The following PTPN14 variants were observed in gnomAD, a reference collection of about 807,000 sequenced individuals.
PTPN14 encodes the protein tyrosine-protein phosphatase non-receptor type 14.
PTPN14 carries 53 observed loss-of-function variants against 126.8 expected under a neutral mutation model. The observed-to-expected ratio is 0.42, with a 90% CI of 0.34 to 0.53. The LOEUF (loss-of-function observed/expected upper bound fraction) is 0.53, where lower values mean the gene tolerates loss of function less well. Among genes scored for constraint, PTPN14 ranks in the 20% least tolerant of loss-of-function variants. The pLI is 0.08. For synonymous variants in PTPN14, 630 were observed against 599.3 expected, an observed-to-expected ratio of 1.05 and a Z score of -0.75; for missense variants, 1,257 against 1,552.9, an observed-to-expected ratio of 0.81 and a Z score of 3.20.
Position 214,393,713 on chromosome 1 carries a change from T to G in PTPN14, c.911A>C (p.Gln304Pro), listed in dbSNP as rs1367674651. The G allele has an allele frequency of 6.3e-7, 1 of 1,594,044 alleles. No individual in the cohort carries two copies. Among genetic ancestry groups the G allele is most frequent in the South Asian group, 1.1e-5 (1 of 90,626 alleles). Residue 304 changes from glutamine to proline, a missense_variant, in exon 10 of 19, where the codon CAA (glutamine) becomes CCA (proline). By Grantham distance (76) the Gln-to-Pro change is moderately conservative. Around this residue, in one of 3 missense-constraint regions of PTPN14, gnomAD observed 1,021 missense variants for 1,183.3 expected, o/e 0.86. Transcript: ENST00000366956. ...LFATRHKFYKQNKICTEQSNS... is the reference protein window; with the variant it reads ...LFATRHKFYKPNKICTEQSNS... Reference sequence around the variant, plus strand: ...TACTTACTCAGTGCAGATTTTGTTTTGTTTGTAAAACTTGTGTCGTGTGGC... The same window carrying G: ...TACTTACTCAGTGCAGATTTTGTTTGGTTTGTAAAACTTGTGTCGTGTGGC...
At chr1:214,481,878 T>C (rs958728298) in intron 1 of PTPN14, among the ~76,000 whole-genome samples, 4 of 151,824 alleles carry the variant, frequency 2.6e-5, no homozygotes, top group Non-Finnish European at 5.9e-5. Flanking sequence ...TCCCAGCTAC[T>C]TGGGAGGCTG....
intron 15 of PTPN14, among the ~76,000 whole-genome samples, chr1:214,374,328 C>T (rs1370182497): frequency 6.6e-6 from 1 of 152,180 alleles, no homozygotes; most frequent in Non-Finnish European, 1.5e-5. Context: ...TTTCCAAATA[C>T]TGGTGGGAGA....
At chr1:214,424,259 C>G (rs986101898) in intron 3 of PTPN14, among the ~76,000 whole-genome samples, 1 of 151,288 alleles carries the variant, frequency 6.6e-6, no homozygotes, top group Non-Finnish European at 1.5e-5. Flanking sequence ...TGCACCACTG[C>G]ACTCCAGCCT....
intron 3 of PTPN14, 107 bp downstream of exon 3, chr1:214,451,698 C>G (rs1660275337): frequency 7.6e-7 from 1 of 1,318,348 alleles, no homozygotes; most frequent in Admixed American, 2.4e-5. Context: ...ACCACACACC[C>G]GCACCCACAC....
intron 3 of PTPN14, among the ~76,000 whole-genome samples, chr1:214,421,343 A>T (rs1419669738): frequency 6.6e-6 from 1 of 152,252 alleles, no homozygotes; most frequent in Non-Finnish European, 1.5e-5. Flanking sequence ...TGTCCAGAAT[A>T]GGCAAATTCA....
chr1:214,541,774 T>C (rs1346092411), intron 1 of PTPN14, among the ~76,000 whole-genome samples: 1 of 152,204 alleles, frequency 6.6e-6, no homozygotes, highest in Non-Finnish European at 1.5e-5. Context: ...TTCATGGGAA[T>C]ATTTTTTCTC....
intron 4 of PTPN14, among the ~76,000 whole-genome samples, chr1:214,413,198 A>C (rs1010166403): frequency 2.0e-5 from 3 of 152,198 alleles, no homozygotes; most frequent in African/African-American, 7.2e-5. Context: ...TTTTAAAAGA[A>C]GAAAGACCCA....
intron 1 of PTPN14, among the ~76,000 whole-genome samples, chr1:214,471,897 T>C (rs1165096593): frequency 2.0e-5 from 3 of 152,190 alleles, no homozygotes; most frequent in Non-Finnish European, 4.4e-5. Flanking sequence ...TGTTCTTTTT[T>C]TCCCCAGGGG....
At chr1:214,472,372 A>G (rs977164557) in intron 1 of PTPN14, among the ~76,000 whole-genome samples, 1 of 151,964 alleles carries the variant, frequency 6.6e-6, no homozygotes, top group African/African-American at 2.4e-5. Flanking sequence ...TTCCACCATG[A>G]TTGAAAGCTC....
At chr1:214,389,261 GT>G (rs1345698160) in intron 11 of PTPN14, among the ~76,000 whole-genome samples, 11 of 152,190 alleles carry the variant, frequency 7.2e-5, no homozygotes, top group Non-Finnish European at 1.5e-4. Flanking sequence ...GTAAGTTACG[GT>G]TTATGAACTG....
In PTPN14 at chr1:214,497,895, T is replaced by C. The variant is rs544476369; in HGVS notation, c.-154-32938A>G. Among the ~76,000 whole-genome samples the C allele has an allele frequency of 8.5e-5, 13 of 152,184 alleles. 1 individual carries two copies. In the East Asian group the frequency reaches 2.3e-3, roughly 27 times the overall value. Reference sequence around the variant, plus strand: ...AACTATATCAGCATGTTGCTGTCAATTTCATTAGAAACACACACGAGAGAG... The same window carrying C: ...AACTATATCAGCATGTTGCTGTCAACTTCATTAGAAACACACACGAGAGAG... On this transcript the variant is annotated intron_variant, in intron 1 of 18. Transcript: ENST00000366956.
rs527813896 is a variant in PTPN14 at position 214,402,988 on chromosome 1, G to T, written c.511-35C>A. 3.8e-6 allele frequency: 6 copies of T among 1,599,506 alleles called. No homozygotes were observed. In the South Asian group the frequency reaches 5.5e-5, roughly 15 times the overall value. Reference sequence around the variant, plus strand: ...TAGAAAGTGCTTAAGGTCACATGAGGGTGTGGGCATTTGCTATTTTGCTTG... The same window carrying T: ...TAGAAAGTGCTTAAGGTCACATGAGTGTGTGGGCATTTGCTATTTTGCTTG... On this transcript the variant is annotated intron_variant, in intron 5 of 18. Coordinates refer to ENST00000366956, the MANE Select transcript of PTPN14 (RefSeq NM_005401.5).
rs747981949 is a variant in PTPN14, at chr1:214,349,897, G to C, written c.*8025C>G. 1 of 152,200 alleles carries C rather than the reference G, an allele frequency of 6.6e-6. No individual in the cohort carries two copies. The highest frequency in any genetic ancestry group is 1.5e-5 in the Non-Finnish European group (1 of 68,038). 9.4% of individuals were successfully genotyped at this position (152,200 alleles called of 1,614,324 possible). On this transcript the variant is annotated 3_prime_UTR_variant, in exon 19 of 19. Coordinates refer to ENST00000366956, the MANE Select transcript of PTPN14 (RefSeq NM_005401.5). ...GTATTAGCTAACACTGCAGTTGTCA[G>C]AGGTGGGAGGCCCCTGAGAAATGCT...
chr1:214,550,905 G>A (rs891981772), intron 1 of PTPN14, among the ~76,000 whole-genome samples: 1 of 152,220 alleles, frequency 6.6e-6, no homozygotes, highest in Non-Finnish European at 1.5e-5. Flanking sequence ...ATGGAGAGAG[G>A]GGACCAGGGT....
In PTPN14 at chr1:214,386,396, T is replaced by C. The variant is rs557002373; in HGVS notation, c.1066+448A>G. 5.9e-5 allele frequency among the ~76,000 whole-genome samples: 9 copies of C among 152,336 alleles called. No homozygotes were observed. The South Asian group carries it at 1.9e-3, about 32-fold the overall frequency. On this transcript the variant is annotated intron_variant, in intron 12 of 18. Transcript: ENST00000366956. ...AAAGCAAGTGTACCAAGAAAGGGGC[T>C]GGAGAAAGAGATGAGAAAAACAGCT... is the stretch of plus-strand genomic sequence containing the variant.
At chr1:214,480,620 A>C (rs970753488) in intron 1 of PTPN14, among the ~76,000 whole-genome samples, 1 of 152,164 alleles carries the variant, frequency 6.6e-6, no homozygotes, top group Non-Finnish European at 1.5e-5. Flanking sequence ...CAACAATCCT[A>C]TCTCTCAATA....
At chr1:214,385,909 T>A (rs1470835099) in intron 12 of PTPN14, among the ~76,000 whole-genome samples, 3 of 152,174 alleles carry the variant, frequency 2.0e-5, no homozygotes, top group Admixed American at 6.5e-5. Context: ...AAAAGTACTA[T>A]TTTTATTAAA....
intron 17 of PTPN14, among the ~76,000 whole-genome samples, chr1:214,365,043 G>C (rs186264031): frequency 1.4e-4 from 21 of 152,192 alleles, no homozygotes; most frequent in Admixed American, 1.1e-3. Context: ...GCTATTAACA[G>C]ACTGGGATCA....
chr1:214,493,786 G>C (rs1661301184), intron 1 of PTPN14, among the ~76,000 whole-genome samples: 1 of 152,080 alleles, frequency 6.6e-6, no homozygotes, highest in Non-Finnish European at 1.5e-5. Flanking sequence ...TTTCAAATGT[G>C]AAATGACAGA....
Sources: gnomAD v4.1 joint callset for allele counts (sites outside exome capture counted in the v4.1 genomes callset) on GRCh38, gnomAD v4.1.1 for gene constraint, gnomAD v4.1.1 regional missense constraint, MANE v1.5 for transcripts, NCBI Gene and HGNC (gene_info 2026-07-23, HGNC 2026-07-21) for gene names.